Variants in COL23A1 observed in about 807,000 individuals in gnomAD.
The protein encoded by COL23A1 is collagen type XXIII alpha 1 chain.
COL23A1 carries 97 observed loss-of-function variants against 99.3 expected under a neutral mutation model. The observed-to-expected ratio is 0.98, with a 90% CI of 0.83 to 1.16. The LOEUF (loss-of-function observed/expected upper bound fraction) is 1.16. COL23A1 is among the 50% of genes most tolerant of loss of function. The pLI, the probability that COL23A1 is intolerant of heterozygous loss-of-function variation, is 0.00. For synonymous variants in COL23A1, 320 were observed against 308.2 expected (o/e 1.04, Z -0.40); for missense variants, 762 against 757.4 (o/e 1.01, Z -0.07).
rs1266544613 is a variant in COL23A1 at position 178,428,123 on chromosome 5, G to A, written c.362-121204C>T. On this transcript the variant is annotated intron_variant, in intron 2 of 28. Coordinates refer to ENST00000390654, the MANE Select transcript of COL23A1 (RefSeq NM_173465.4). The surrounding 1 kb of genome is among the most constrained non-coding windows in gnomAD (Gnocchi z 5.0). ...TCCAGCAATGAGGGTATCATCAAAA[G>A]CCCACATCTATGCTCACTGGCTCAG... Among the ~76,000 whole-genome samples the A allele has an allele frequency of 6.6e-6, 1 of 152,212 alleles. No individual in the cohort carries two copies. Among genetic ancestry groups the A allele is most frequent in the African/African-American group, 2.4e-5 (1 of 41,452 alleles).
chr5:178,310,358 T>A lies in COL23A1; in HGVS notation c.362-3439A>T, dbSNP rs1758605961. ...CATGGGCAGTGACCTGGGTTCAACA[T>A]CTACTGGGTGCCAAGCCGGCTGCTC... On this transcript the variant is annotated intron_variant, in intron 2 of 28. Transcript: ENST00000390654. This position sits in a 1 kb window ranked among gnomAD's most constrained non-coding sequence, Gnocchi z 4.3. Among the ~76,000 whole-genome samples the A allele has an allele frequency of 6.6e-6, 1 of 152,138 alleles. No individual in the cohort carries two copies. The highest frequency in any genetic ancestry group is 1.5e-5 in the Non-Finnish European group (1 of 68,020).
chr5:178,239,306 A>C, intron 27 of COL23A1, 127 bp from the exon 28 acceptor site: 2 of 1,038,464 alleles, frequency 1.9e-6, no homozygotes, highest in Non-Finnish European at 3.0e-6. Flanking sequence ...GCTGGGCCCC[A>C]CTGAGGCAGG....
At chr5:178,410,271 A>C (rs1764991232) in intron 2 of COL23A1, among the ~76,000 whole-genome samples, 1 of 152,238 alleles carries the variant, frequency 6.6e-6, no homozygotes, top group Non-Finnish European at 1.5e-5. Flanking sequence ...AGGAATACTT[A>C]ATATTGTTAA....
intron 3 of COL23A1, among the ~76,000 whole-genome samples, chr5:178,300,133 T>C (rs573393360): frequency 2.9e-4 from 44 of 152,182 alleles, no homozygotes; most frequent in African/African-American, 1.0e-3. Flanking sequence ...TGGTGAGATC[T>C]TGGCTCACTG....
intron 2 of COL23A1, among the ~76,000 whole-genome samples, chr5:178,343,431 C>G (rs1760781242): frequency 6.6e-6 from 1 of 152,074 alleles, no homozygotes; most frequent in South Asian, 2.1e-4. Context: ...CAAGCTGAAA[C>G]CATAAACTTG....
intron 2 of COL23A1, among the ~76,000 whole-genome samples, chr5:178,456,803 C>A (rs757327524): frequency 1.3e-5 from 2 of 151,942 alleles, no homozygotes; most frequent in African/African-American, 4.8e-5. Flanking sequence ...TTGCAACAAA[C>A]GTAACGAAGG....
At chr5:178,355,574 C>CT (rs1761597226) in intron 2 of COL23A1, among the ~76,000 whole-genome samples, 1 of 152,088 alleles carries the variant, frequency 6.6e-6, no homozygotes, top group Admixed American at 6.5e-5. Flanking sequence ...GCTCTGTTGC[C>CT]CAGGCTGGAG....
At chr5:178,322,893 T>G (rs907109966) in intron 2 of COL23A1, among the ~76,000 whole-genome samples, 2 of 152,172 alleles carry the variant, frequency 1.3e-5, no homozygotes, top group Admixed American at 6.5e-5. Flanking sequence ...GATAGCTCGG[T>G]GGGCTGTGCC....
intron 17 of COL23A1, among the ~76,000 whole-genome samples, chr5:178,250,456 G>A (rs1438487917): frequency 1.3e-5 from 2 of 152,208 alleles, no homozygotes; most frequent in Admixed American, 1.3e-4. Flanking sequence ...GGATGCAAAC[G>A]AATGGTGCAG....
chr5:178,250,271 C>T (rs376822787), intron 17 of COL23A1, among the ~76,000 whole-genome samples, 166 bp from the exon 18 acceptor site: 2 of 152,214 alleles, frequency 1.3e-5, no homozygotes, highest in African/African-American at 2.4e-5. Flanking sequence ...CAGCCCATCA[C>T]GAGCAGATGT....
intron 2 of COL23A1, among the ~76,000 whole-genome samples, chr5:178,317,807 G>T (rs1011267768): frequency 3.3e-5 from 5 of 152,236 alleles, no homozygotes; most frequent in African/African-American, 9.7e-5. Context: ...GACTCATGTG[G>T]CTGAGGAGGC....
At chr5:178,246,637 G>A (rs868407241) in intron 22 of COL23A1, among the ~76,000 whole-genome samples, 184 bp from the exon 23 acceptor site, 6 of 152,016 alleles carry the variant, frequency 3.9e-5, no homozygotes, top group Non-Finnish European at 5.9e-5. Flanking sequence ...TGCGCATTGC[G>A]CCTTTTCCAG....
At position 178,478,882 on chromosome 5, in the gene COL23A1, G is replaced by T. The variant is rs7708341; in HGVS notation, c.361+81800C>A. 8.1e-3 allele frequency among the ~76,000 whole-genome samples: 1,227 copies of T among 152,310 alleles called. 12 individuals are homozygous for T. The highest frequency in any genetic ancestry group is 0.025 in the African/African-American group (1,030 of 41,560). ...TAAAGGCACAGAGATCCTGGCTCCA[G>T]AAAGGCATGCGGCACAGACTCTGCC... is the stretch of plus-strand genomic sequence containing the variant. On this transcript the variant is annotated intron_variant, in intron 2 of 28. Coordinates refer to ENST00000390654, the MANE Select transcript of COL23A1 (RefSeq NM_173465.4).
rs778098771 is a variant in COL23A1 at position 178,256,840 on chromosome 5, G to T, written c.837+26C>A. The T allele has an allele frequency of 1.9e-6, 3 of 1,606,084 alleles. No homozygotes were observed. The East Asian group carries it at 6.7e-5, about 36-fold the overall frequency. ...GGAGGTCTGAGCGGGGCCCGCAGGCGCCAGAGCAGAGAGCTCTCATGTCAC... is the reference window on the plus strand; with the variant it reads ...GGAGGTCTGAGCGGGGCCCGCAGGCTCCAGAGCAGAGAGCTCTCATGTCAC... On this transcript the variant is annotated intron_variant, in intron 14 of 28. Transcript: ENST00000390654.
chr5:178,327,606 A>G (rs951032537), intron 2 of COL23A1, among the ~76,000 whole-genome samples: 1 of 152,112 alleles, frequency 6.6e-6, no homozygotes, highest in Non-Finnish European at 1.5e-5. Flanking sequence ...TCTGCGGTGG[A>G]GGAGACCGGG....
intron 2 of COL23A1, among the ~76,000 whole-genome samples, chr5:178,510,314 G>C (rs937925886): frequency 3.9e-5 from 6 of 152,176 alleles, no homozygotes; most frequent in African/African-American, 1.4e-4. Context: ...GGCCGAGGCG[G>C]GCGGATCACT....
In COL23A1 at chr5:178,589,934, G is replaced by A. The variant is rs262030; in HGVS notation, c.264C>T (p.Ala88=). Residue 88 remains alanine, a synonymous_variant, in exon 1 of 29, where the codon GCC becomes GCT. Coordinates refer to ENST00000390654, the MANE Select transcript of COL23A1 (RefSeq NM_173465.4). This position sits in a 1 kb window ranked among gnomAD's most constrained non-coding sequence, Gnocchi z 5.4. The stretch of plus-strand genomic sequence containing the variant: ...GCAGCAGGCGCTCCAGGTGCGGCTC[G>A]GCCCAGGCGTCCAGGGCGCCTGGCG... ...AGPPGALDAW[A]EPHLERLLRE... The A allele has an allele frequency of 1.7e-3, 2,267 of 1,322,884 alleles. 37 individuals carry two copies. In the African/African-American group the frequency reaches 0.032, roughly 19 times the overall value. The allele number at this position is 1,322,884 out of a possible 1,614,324, so 81.9% of individuals were successfully genotyped here. A position where few individuals can be genotyped will look rare whatever the true frequency, so the allele number is the denominator to read the frequency against.
At chr5:178,470,396 A>C (rs1289485648) in intron 2 of COL23A1, among the ~76,000 whole-genome samples, 4 of 152,170 alleles carry the variant, frequency 2.6e-5, no homozygotes, top group African/African-American at 9.7e-5. Context: ...ACCGCCAATT[A>C]GAACTGTTCC....
chr5:178,570,311 G>C (rs189679317), intron 1 of COL23A1, among the ~76,000 whole-genome samples: 127 of 152,076 alleles, frequency 8.4e-4, no homozygotes, highest in African/African-American at 3.0e-3. Context: ...GTTTCATCAT[G>C]TTGCCCAAAA....
Sources: allele counts gnomAD v4.1 joint callset (sites outside exome capture counted in the v4.1 genomes callset), GRCh38; gene constraint gnomAD v4.1.1; non-coding constraint Gnocchi (gnomAD v3.1); transcripts MANE v1.5; gene names NCBI Gene and HGNC (gene_info 2026-07-23, HGNC 2026-07-21).